Variants in ANKMY2 observed in about 807,000 individuals in gnomAD.
ANKMY2 encodes the protein ankyrin repeat and MYND domain containing 2.
A neutral mutation model predicts 50.4 loss-of-function variants in ANKMY2; 36 were observed. The observed-to-expected ratio is 0.71, with a 90% CI of 0.55 to 0.94. The LOEUF (loss-of-function observed/expected upper bound fraction) is 0.94, where lower values mean the gene tolerates loss of function less well. Among genes scored for constraint, ANKMY2 ranks in the 40% least tolerant of loss-of-function variants. ANKMY2 has a pLI of 0.00. For synonymous variants in ANKMY2, 187 were observed against 178.8 expected (o/e 1.05, Z -0.36); for missense variants, 565 against 524.0 (o/e 1.08, Z -0.76).
intron 4 of ANKMY2, among the ~76,000 whole-genome samples, chr7:16,622,465 G>C (rs1242202076): frequency 6.6e-6 from 1 of 152,048 alleles, no homozygotes. Flanking sequence ...AAAACTCTAG[G>C]CTGGTCGTGG....
Position 16,600,777 on chromosome 7 carries a change from T to C in ANKMY2, c.1310A>G (p.Gln437Arg), listed in dbSNP as rs751741868. 4.3e-6 allele frequency: 7 copies of C among 1,610,894 alleles called. No individual in the cohort carries two copies. The highest frequency in any genetic ancestry group is 5.9e-6 in the Non-Finnish European group (7 of 1,178,552). The change falls in exon 10 of 10, where the codon CAG becomes CGG. Residue 437 changes from glutamine to arginine, a missense_variant. Physicochemically the swap from Gln to Arg is conservative, Grantham distance 43. Coordinates refer to ENST00000306999, the MANE Select transcript of ANKMY2 (RefSeq NM_020319.3). The part of the protein sequence containing the change: ...EGLQDAPAGP[Q>R]VSEE ...CTCTGGCTTTTACTCCTCAGACACC[T>C]GTGGCCCTGCAGGAGCATCCTGTAA...
At chr7:16,629,135 T>A (rs914800314) in intron 2 of ANKMY2, among the ~76,000 whole-genome samples, 3 of 152,170 alleles carry the variant, frequency 2.0e-5, no homozygotes, top group South Asian at 2.1e-4. Context: ...TTAAAAAAAA[T>A]TTTCCTGGCT....
At chr7:16,611,087 A>G (rs903819207) in intron 5 of ANKMY2, among the ~76,000 whole-genome samples, 1 of 152,250 alleles carries the variant, frequency 6.6e-6, no homozygotes, top group Non-Finnish European at 1.5e-5. Flanking sequence ...AAAGATAAAC[A>G]TGACAAATTT....
At chr7:16,621,378 A>C (rs1781432984) in intron 4 of ANKMY2, among the ~76,000 whole-genome samples, 1 of 152,244 alleles carries the variant, frequency 6.6e-6, no homozygotes, top group Non-Finnish European at 1.5e-5. Flanking sequence ...CCTCATACAA[A>C]TGTTAATTCT....
chr7:16,622,075 G>C (rs1012107058), intron 4 of ANKMY2, among the ~76,000 whole-genome samples: 1 of 151,326 alleles, frequency 6.6e-6, no homozygotes, highest in African/African-American at 2.4e-5. Flanking sequence ...AGGAAGAGGA[G>C]GAGGAAGAAG....
intron 2 of ANKMY2, among the ~76,000 whole-genome samples, chr7:16,631,756 A>T (rs766739335): frequency 2.6e-4 from 40 of 151,932 alleles, no homozygotes; most frequent in Non-Finnish European, 4.7e-4. Context: ...CTAGAACTAC[A>T]GGCGCCCGCC....
At chr7:16,605,384 T>A (rs574946576) in intron 7 of ANKMY2, among the ~76,000 whole-genome samples, 59 of 152,332 alleles carry the variant, frequency 3.9e-4, no homozygotes, top group African/African-American at 1.4e-3. Context: ...GTTCCAAATT[T>A]GTTAAGAAAC....
In ANKMY2 at chr7:16,615,920, T is replaced by C; in HGVS notation, c.371-16A>G. The C allele has an allele frequency of 6.3e-7, 1 of 1,580,314 alleles. No homozygotes were observed. The highest frequency in any genetic ancestry group is 1.4e-5 in the African/African-American group (1 of 73,170). ...TCATGTTGACCTTTTCATAGAAAAA[T>C]AGAAAAGTTGTAGTTTTAGTATTAA... On this transcript the variant is annotated splice_polypyrimidine_tract_variant and intron_variant, in intron 4 of 9. Coordinates refer to ENST00000306999, the MANE Select transcript of ANKMY2 (RefSeq NM_020319.3).
At chr7:16,617,917 G>GTTTTTTTTT (rs780533044) in intron 4 of ANKMY2, among the ~76,000 whole-genome samples, 2 of 110,882 alleles carry the variant, frequency 1.8e-5, no homozygotes, top group African/African-American at 7.0e-5. Context: ...CAGTGAGCGT[G>GTTTTTTTTT]TTTTTTTTTT....
chr7:16,611,815 G>C (rs996720704), intron 5 of ANKMY2, among the ~76,000 whole-genome samples: 1 of 152,092 alleles, frequency 6.6e-6, no homozygotes, highest in South Asian at 2.1e-4. Flanking sequence ...ATTGAGTGGT[G>C]TCTTCACTTT....
chr7:16,640,294 C>G (rs1781727033), intron 1 of ANKMY2, among the ~76,000 whole-genome samples: 1 of 152,104 alleles, frequency 6.6e-6, no homozygotes, highest in Non-Finnish European at 1.5e-5. Flanking sequence ...TAATGTGGAG[C>G]ACATATAAGC....
intron 2 of ANKMY2, among the ~76,000 whole-genome samples, chr7:16,627,539 T>C (rs1283888885): frequency 6.6e-6 from 1 of 152,076 alleles, no homozygotes; most frequent in Non-Finnish European, 1.5e-5. Flanking sequence ...AGAAGAAAAA[T>C]CTCAAATAAT....
chr7:16,631,098 T>A (rs1354141163), intron 2 of ANKMY2, among the ~76,000 whole-genome samples: 1 of 152,224 alleles, frequency 6.6e-6, no homozygotes, highest in African/African-American at 2.4e-5. Flanking sequence ...AGTCATTCTA[T>A]CCTAATTTGT....
chr7:16,644,735 G>A (rs576118014), intron 1 of ANKMY2: 2 of 470,854 alleles, frequency 4.2e-6, no homozygotes, highest in African/African-American at 4.0e-5. Flanking sequence ...GTCCACTCGG[G>A]GACTCCGGGG....
chr7:16,643,385 G>C (rs1001422127), intron 1 of ANKMY2, among the ~76,000 whole-genome samples: 1 of 152,202 alleles, frequency 6.6e-6, no homozygotes, highest in Non-Finnish European at 1.5e-5. Context: ...GGCTATGGTT[G>C]TTTTTCTCAT....
intron 4 of ANKMY2, among the ~76,000 whole-genome samples, chr7:16,617,678 G>T (rs945095040): frequency 1.3e-5 from 2 of 152,144 alleles, no homozygotes; most frequent in Non-Finnish European, 2.9e-5. Flanking sequence ...TAACACAGAG[G>T]ATGAAGGGCA....
intron 1 of ANKMY2, among the ~76,000 whole-genome samples, chr7:16,641,793 CA>C (rs1189377001): frequency 1.3e-5 from 2 of 151,696 alleles, no homozygotes; most frequent in Non-Finnish European, 2.9e-5. Context: ...AGCCCCCCCT[CA>C]AAAAAAGGAT....
intron 7 of ANKMY2, among the ~76,000 whole-genome samples, chr7:16,607,862 GGA>G (rs1781186348): frequency 6.6e-6 from 1 of 151,872 alleles, no homozygotes; most frequent in Admixed American, 6.6e-5. Context: ...GTTCAGAGGA[GGA>G]GTGTTTAGAA....
At chr7:16,619,579 AATAAT>A (rs1353897036) in intron 4 of ANKMY2, among the ~76,000 whole-genome samples, 1 of 152,164 alleles carries the variant, frequency 6.6e-6, no homozygotes, top group African/African-American at 2.4e-5. Context: ...AACATATTTG[AATAAT>A]ATGTTTAAAG....
Sources: gnomAD v4.1 joint callset for allele counts (sites outside exome capture counted in the v4.1 genomes callset) on GRCh38, gnomAD v4.1.1 for gene constraint, MANE v1.5 for transcripts, NCBI Gene and HGNC (gene_info 2026-07-23, HGNC 2026-07-21) for gene names.